NXPE2: variants seen among roughly 807,000 people sequenced by gnomAD.
NXPE2 encodes the protein neurexophilin and PC-esterase domain family member 2, also known as NXPE family member 2.
Under a neutral mutation model 34.4 loss-of-function variants are expected in NXPE2, and 34 were observed. The observed-to-expected ratio is 0.99, with a 90% confidence interval of 0.75 to 1.31. The LOEUF is 1.31. NXPE2 is among the 40% of genes most tolerant of loss of function. The pLI is 0.00. For missense variants in NXPE2, 649 were observed against 672.5 expected, an observed-to-expected ratio of 0.97 and a Z score of 0.39; for synonymous variants, 235 against 231.3, an observed-to-expected ratio of 1.02 and a Z score of -0.15.
chr11:114,658,752 T>C, the NXPE2 span, among the ~76,000 whole-genome samples: 3 of 152,192 alleles, frequency 2.0e-5, no homozygotes, highest in Non-Finnish European at 2.9e-5. Flanking sequence ...TTTCTAATGC[T>C]GTGGAGAAGA....
the NXPE2 span, chr11:114,521,833 C>T: frequency 1.5e-6 from 1 of 673,336 alleles, no homozygotes; most frequent in Non-Finnish European, 2.5e-6. Flanking sequence ...ATTGTCCTTA[C>T]ATAGCCTTCC....
the NXPE2 span, among the ~76,000 whole-genome samples, chr11:114,795,304 T>C: frequency 6.6e-6 from 1 of 152,192 alleles, no homozygotes; most frequent in Admixed American, 6.5e-5. Flanking sequence ...ATGGGATTCA[T>C]TTTTCAGTAG....
At chr11:114,756,782 T>G in the NXPE2 span, among the ~76,000 whole-genome samples, 1 of 152,170 alleles carries the variant, frequency 6.6e-6, no homozygotes, top group African/African-American at 2.4e-5. Context: ...AAGGGTTAGG[T>G]GCAGAGGATC....
chr11:114,810,034 C>T, the NXPE2 span, among the ~76,000 whole-genome samples: 1 of 151,436 alleles, frequency 6.6e-6, no homozygotes, highest in African/African-American at 2.4e-5. Context: ...AGAAATAATG[C>T]CGCATATCTA....
At chr11:114,804,765 T>C in the NXPE2 span, among the ~76,000 whole-genome samples, 1 of 152,156 alleles carries the variant, frequency 6.6e-6, no homozygotes, top group Non-Finnish European at 1.5e-5. Context: ...AAGTTTAATA[T>C]TGTTGTGTCC....
chr11:114,515,505 G>A, the NXPE2 span, among the ~76,000 whole-genome samples: 38 of 152,220 alleles, frequency 2.5e-4, no homozygotes, highest in Non-Finnish European at 5.0e-4. Context: ...GAGAATTTGA[G>A]GGTGTAGCAG....
the NXPE2 span, among the ~76,000 whole-genome samples, chr11:114,644,721 A>G: frequency 6.6e-6 from 1 of 152,182 alleles, no homozygotes; most frequent in South Asian, 2.1e-4. Flanking sequence ...TCAAATCTCT[A>G]TAAGCTGATT....
chr11:114,639,784 TAATA>T, the NXPE2 span, among the ~76,000 whole-genome samples: 1 of 126,004 alleles, frequency 7.9e-6, no homozygotes, highest in Non-Finnish European at 1.6e-5. Context: ...ATATAAAATA[TAATA>T]TATATTATAT....
At chr11:114,674,105 ACAAAC>A (rs1184932687), upstream of NXPE2, among the ~76,000 whole-genome samples, 1 of 105,810 alleles carries the variant, frequency 9.5e-6, no homozygotes, top group Non-Finnish European at 2.1e-5. Flanking sequence ...AAACAAACAA[ACAAAC>A]AAACAAACAA....
the NXPE2 span, among the ~76,000 whole-genome samples, chr11:114,520,811 G>C: frequency 6.6e-6 from 1 of 152,052 alleles, no homozygotes. Context: ...CTTCCAAATT[G>C]AGCATCTTTC....
the NXPE2 span, among the ~76,000 whole-genome samples, chr11:114,511,672 C>T: frequency 6.6e-6 from 1 of 152,074 alleles, no homozygotes; most frequent in South Asian, 2.1e-4. Flanking sequence ...AAATGTGATC[C>T]CCAATGTTGG....
the NXPE2 span, among the ~76,000 whole-genome samples, chr11:114,611,163 G>A: frequency 6.6e-6 from 1 of 151,326 alleles, no homozygotes; most frequent in Non-Finnish European, 1.5e-5. Flanking sequence ...AGGATAATAA[G>A]GACTGTCTCA....
the NXPE2 span, among the ~76,000 whole-genome samples, chr11:114,495,266 G>A: frequency 6.6e-6 from 1 of 151,934 alleles, no homozygotes. Flanking sequence ...GTCAGCAGGT[G>A]GGAAATCCAG....
chr11:114,522,170 C>T, the NXPE2 span: 5 of 1,613,908 alleles, frequency 3.1e-6, no homozygotes, highest in Non-Finnish European at 3.4e-6. Flanking sequence ...GTGCATCTCC[C>T]TGATGTTTTC....
At chr11:114,579,484 A>T in the NXPE2 span, among the ~76,000 whole-genome samples, 4 of 152,196 alleles carry the variant, frequency 2.6e-5, no homozygotes, top group African/African-American at 9.7e-5. Flanking sequence ...CATAGCCTAG[A>T]TCTGTTAGAC....
chr11:114,583,328 C>A, the NXPE2 span: 3 of 618,754 alleles, frequency 4.8e-6, no homozygotes, highest in East Asian at 3.5e-5. Flanking sequence ...CTATTATGGA[C>A]AAGCCCACCC....
At chr11:114,729,568 A>G in the NXPE2 span, among the ~76,000 whole-genome samples, 1 of 152,086 alleles carries the variant, frequency 6.6e-6, no homozygotes, top group Admixed American at 6.6e-5. Flanking sequence ...CCTTGCCAGC[A>G]TCGGTTGCTT....
chr11:114,672,439 G>A, the NXPE2 span, among the ~76,000 whole-genome samples: 6 of 151,766 alleles, frequency 4.0e-5, no homozygotes, highest in South Asian at 2.1e-4. Context: ...TGCAAAGGGC[G>A]TATTAAAAAC....
chr11:114,789,108 T>C, the NXPE2 span, among the ~76,000 whole-genome samples: 1 of 152,226 alleles, frequency 6.6e-6, no homozygotes, highest in Non-Finnish European at 1.5e-5. Flanking sequence ...AAAGATCTAT[T>C]GTACATCATG....
Sources: allele counts gnomAD v4.1 joint callset (sites outside exome capture counted in the v4.1 genomes callset), GRCh38; gene constraint gnomAD v4.1.1; transcripts MANE v1.5; gene names NCBI Gene and HGNC (gene_info 2026-07-23, HGNC 2026-07-21).